Variants in MAGI2 observed in about 807,000 individuals in gnomAD.
MAGI2 encodes the protein membrane-associated guanylate kinase, WW and PDZ domain-containing protein 2.
MAGI2 carries 35 observed loss-of-function variants against 133.3 expected under a neutral mutation model. The observed-to-expected ratio is 0.26, with a 90% CI of 0.20 to 0.35. MAGI2 has a LOEUF of 0.35. Among genes scored for constraint, MAGI2 ranks in the 10% least tolerant of loss-of-function variants. The probability of loss-of-function intolerance (pLI) is 1.00; values close to 1 mark genes in which losing one functional copy is unlikely to be tolerated. For synonymous variants in MAGI2, 729 were observed against 710.6 expected, an observed-to-expected ratio of 1.03 and a Z score of -0.41; for missense variants, 1,636 against 1,863.4, an observed-to-expected ratio of 0.88 and a Z score of 2.25.
intron 1 of MAGI2, among the ~76,000 whole-genome samples, chr7:79,265,425 T>C (rs1433287103): frequency 6.6e-6 from 1 of 152,186 alleles, no homozygotes. Context: ...CTACCCACCA[T>C]TACCCAAAGC....
intron 3 of MAGI2, among the ~76,000 whole-genome samples, chr7:78,542,567 T>C (rs528425199): frequency 9.9e-5 from 15 of 152,204 alleles, no homozygotes; most frequent in African/African-American, 2.9e-4. Context: ...CTATTTATAC[T>C]AAGATGAAAA....
intron 2 of MAGI2, among the ~76,000 whole-genome samples, chr7:78,637,547 T>C (rs1297696009): frequency 2.6e-5 from 4 of 152,104 alleles, no homozygotes; most frequent in African/African-American, 7.2e-5. Context: ...TAAGAAATAA[T>C]AGCATTGCAT....
chr7:78,852,188 A>G (rs530650984), intron 2 of MAGI2, among the ~76,000 whole-genome samples: 1 of 151,794 alleles, frequency 6.6e-6, no homozygotes, highest in Non-Finnish European at 1.5e-5. Context: ...TCATATTTTT[A>G]TTGCCCCATT....
At chr7:78,713,117 G>A (rs80220188) in intron 2 of MAGI2, among the ~76,000 whole-genome samples, 2,030 of 152,228 alleles carry the variant, frequency 0.013, 45 homozygotes, top group African/African-American at 0.047. Flanking sequence ...TTGAAAGCCT[G>A]TGATTTTCTT....
At chr7:79,143,430 G>C (rs544964073) in intron 1 of MAGI2, among the ~76,000 whole-genome samples, 93 of 152,282 alleles carry the variant, frequency 6.1e-4, no homozygotes, top group African/African-American at 2.2e-3. Context: ...ACATCCTAAA[G>C]AATTGTGTTG....
chr7:79,299,708 TTTGG>T (rs1837242364), intron 1 of MAGI2, among the ~76,000 whole-genome samples: 1 of 152,048 alleles, frequency 6.6e-6, no homozygotes, highest in Non-Finnish European at 1.5e-5. Flanking sequence ...AGTGATATCA[TTTGG>T]ATATTTGTTC....
intron 9 of MAGI2, among the ~76,000 whole-genome samples, chr7:78,279,736 C>T (rs1213395122): frequency 6.6e-6 from 1 of 152,020 alleles, no homozygotes; most frequent in Non-Finnish European, 1.5e-5. Context: ...TGTGTTGGTC[C>T]ATCCAGAGTG....
intron 2 of MAGI2, among the ~76,000 whole-genome samples, chr7:78,860,989 C>T (rs956184151): frequency 6.6e-6 from 1 of 152,194 alleles, no homozygotes; most frequent in African/African-American, 2.4e-5. Context: ...AGTTCGATCT[C>T]AGACTGCTGT....
At chr7:78,948,495 C>A (rs1485977627) in intron 2 of MAGI2, among the ~76,000 whole-genome samples, 1 of 152,018 alleles carries the variant, frequency 6.6e-6, no homozygotes, top group African/African-American at 2.4e-5. Flanking sequence ...ACTGTCACTG[C>A]TGGCTGGTAG....
intron 3 of MAGI2, among the ~76,000 whole-genome samples, chr7:78,581,718 GT>G (rs1423501855): frequency 6.6e-6 from 1 of 152,190 alleles, no homozygotes; most frequent in African/African-American, 2.4e-5. Context: ...ATTTGGTTAA[GT>G]TTTGGATGAC....
chr7:79,307,534 A>G (rs1043254253), intron 1 of MAGI2, among the ~76,000 whole-genome samples: 1 of 152,158 alleles, frequency 6.6e-6, no homozygotes. Context: ...CATCTATGGG[A>G]AAATGGTTTC....
rs558533554 is a variant in MAGI2, at chr7:78,951,956, G to C, written c.418+55134C>G. On this transcript the variant is annotated intron_variant, in intron 2 of 21. Transcript: ENST00000354212. ...TAATATCCTAACATTTCACATGCCT[G>C]CAATTTAAACTTCTCAAAGTATCTT... 6.6e-5 allele frequency among the ~76,000 whole-genome samples: 10 copies of C among 152,072 alleles called. 1 individual carries two copies. The highest frequency in any genetic ancestry group is 1.0e-4 in the Non-Finnish European group (7 of 68,010).
At chr7:79,378,234 G>T (rs1007884853) in intron 1 of MAGI2, among the ~76,000 whole-genome samples, 2 of 149,598 alleles carry the variant, frequency 1.3e-5, no homozygotes, top group South Asian at 2.2e-4. Flanking sequence ...AACAGGAAAA[G>T]GTCATTTTGA....
At chr7:79,039,580 A>C (rs1811432906) in intron 1 of MAGI2, among the ~76,000 whole-genome samples, 2 of 151,850 alleles carry the variant, frequency 1.3e-5, no homozygotes, top group South Asian at 4.1e-4. Flanking sequence ...CAACCTACAG[A>C]ATAGGAGAAA....
intron 9 of MAGI2, among the ~76,000 whole-genome samples, chr7:78,296,310 C>G (rs559488087): frequency 5.3e-5 from 8 of 152,294 alleles, no homozygotes; most frequent in Admixed American, 5.2e-4. Context: ...TGTTCCCTAA[C>G]CAGCCTGTTG....
At position 79,376,178 on chromosome 7, in the gene MAGI2, C is replaced by T. The variant is rs577334031; in HGVS notation, c.301+76842G>A. On this transcript the variant is annotated intron_variant, in intron 1 of 21. Coordinates refer to ENST00000354212, the MANE Select transcript of MAGI2 (RefSeq NM_012301.4). ...CATATGTTCAAAGCTCCCCAGTGACCACCTGAAGCAGAATCCTATATATAC... is the reference window on the plus strand; with the variant it reads ...CATATGTTCAAAGCTCCCCAGTGACTACCTGAAGCAGAATCCTATATATAC... 4.0e-5 allele frequency among the ~76,000 whole-genome samples: 6 copies of T among 151,872 alleles called. No homozygotes were observed. The South Asian group carries it at 1.2e-3, about 32-fold the overall frequency.
At chr7:79,277,238 A>G (rs1405153878) in intron 1 of MAGI2, among the ~76,000 whole-genome samples, 1 of 152,182 alleles carries the variant, frequency 6.6e-6, no homozygotes, top group Non-Finnish European at 1.5e-5. Context: ...TAGGGAGGCA[A>G]GACCCTTCAT....
chr7:79,408,249 A>G (rs1359155646), intron 1 of MAGI2, among the ~76,000 whole-genome samples: 2 of 152,074 alleles, frequency 1.3e-5, no homozygotes, highest in Non-Finnish European at 2.9e-5. Context: ...TGATGAAATT[A>G]TTACTAGGAA....
chr7:78,985,659 T>C (rs1805189940), intron 2 of MAGI2, among the ~76,000 whole-genome samples: 1 of 152,054 alleles, frequency 6.6e-6, no homozygotes, highest in African/African-American at 2.4e-5. Context: ...GTAAGTCACT[T>C]AATTTTGTTT....
Sources: gnomAD v4.1 joint callset for allele counts (sites outside exome capture counted in the v4.1 genomes callset) on GRCh38, gnomAD v4.1.1 for gene constraint, MANE v1.5 for transcripts, NCBI Gene and HGNC (gene_info 2026-07-23, HGNC 2026-07-21) for gene names.